BCL11A: variants seen among roughly 807,000 people sequenced by gnomAD.
The protein encoded by BCL11A is B cell CLL/lymphoma 11A.
BCL11A carries 2 observed loss-of-function variants against 55.9 expected under a neutral mutation model. That is an observed-to-expected ratio of 0.04 (90% CI 0.01 to 0.11). BCL11A has a LOEUF of 0.11. Among genes scored for constraint, BCL11A ranks in the 10% least tolerant of loss-of-function variants. The pLI, the probability that BCL11A is intolerant of heterozygous loss-of-function variation, is 1.00. For synonymous variants in BCL11A, 465 were observed against 473.4 expected, an observed-to-expected ratio of 0.98 and a Z score of 0.23; for missense variants, 817 against 1,137.1, an observed-to-expected ratio of 0.72 and a Z score of 4.05.
Position 60,541,527 on chromosome 2 carries a change from C to G in BCL11A, c.385+4444G>C, listed in dbSNP as rs574595038. Among the ~76,000 whole-genome samples the G allele has an allele frequency of 2.3e-4, 35 of 152,352 alleles. No individual in the cohort carries two copies. In the South Asian group the frequency reaches 7.2e-3, roughly 32 times the overall value. On this transcript the variant is annotated intron_variant, in intron 2 of 3. Coordinates refer to ENST00000642384, the MANE Select transcript of BCL11A (RefSeq NM_022893.4). ...TCTCTGACATTGTACTTTGACAAAA[C>G]ATCCAAGCTGCCAGTTCACAACCTT...
At chr2:60,508,120 C>G (rs1679748553) in intron 2 of BCL11A, among the ~76,000 whole-genome samples, 1 of 152,124 alleles carries the variant, frequency 6.6e-6, no homozygotes, top group Admixed American at 6.6e-5. Context: ...CTTTCACAAA[C>G]AAAAGTAGTT....
At chr2:60,550,107 C>T (rs1670336211) in intron 1 of BCL11A, among the ~76,000 whole-genome samples, 1 of 152,072 alleles carries the variant, frequency 6.6e-6, no homozygotes, top group African/African-American at 2.4e-5. Context: ...AGAAGTGAGG[C>T]TGGAGACCAA....
At chr2:60,496,116 A>G (rs1053629842) in intron 2 of BCL11A, among the ~76,000 whole-genome samples, 1 of 152,254 alleles carries the variant, frequency 6.6e-6, no homozygotes, top group Non-Finnish European at 1.5e-5. Flanking sequence ...AAAGCAATGC[A>G]CCTGTGCAGG....
chr2:60,515,389 C>G (rs1558460289), intron 2 of BCL11A, among the ~76,000 whole-genome samples: 2 of 152,238 alleles, frequency 1.3e-5, no homozygotes, highest in South Asian at 2.1e-4. Context: ...ACATATGAAC[C>G]AGCATTATGT....
chr2:60,472,949 A>C (rs533134753), intron 2 of BCL11A, among the ~76,000 whole-genome samples: 3 of 148,994 alleles, frequency 2.0e-5, no homozygotes, highest in Non-Finnish European at 4.5e-5. Context: ...TCTCCACAGG[A>C]GTACATAGAT....
intron 2 of BCL11A, among the ~76,000 whole-genome samples, chr2:60,501,098 G>C (rs566021985): frequency 5.3e-4 from 81 of 152,306 alleles, no homozygotes; most frequent in African/African-American, 1.7e-3. Context: ...AGACATCTTT[G>C]GCACATCTTC....
intron 2 of BCL11A, among the ~76,000 whole-genome samples, chr2:60,500,326 C>T (rs188957669): frequency 3.4e-4 from 52 of 152,264 alleles, no homozygotes; most frequent in Non-Finnish European, 6.2e-4. Context: ...GTGAGGTTCC[C>T]GGGGCCAGTT....
intron 2 of BCL11A, among the ~76,000 whole-genome samples, chr2:60,504,622 C>T (rs572834445): frequency 2.6e-5 from 4 of 152,196 alleles, no homozygotes; most frequent in Non-Finnish European, 4.4e-5. Flanking sequence ...TCTGTCTCCC[C>T]CAAGCCCTCC....
intron 2 of BCL11A, chr2:60,545,404 T>C (rs575874845): frequency 1.4e-4 from 22 of 155,536 alleles, no homozygotes; most frequent in African/African-American, 5.0e-4. Flanking sequence ...TACAGCCCCA[T>C]CCGGGCTGAC....
intron 2 of BCL11A, among the ~76,000 whole-genome samples, chr2:60,523,352 C>T (rs927789368): frequency 6.6e-6 from 1 of 152,184 alleles, no homozygotes; most frequent in African/African-American, 2.4e-5. Context: ...ATGTGAACAA[C>T]AGACTTTCAG....
chr2:60,502,596 C>G (rs1345288373), intron 2 of BCL11A, among the ~76,000 whole-genome samples: 1 of 152,130 alleles, frequency 6.6e-6, no homozygotes, highest in African/African-American at 2.4e-5. Flanking sequence ...ACACCCAATC[C>G]CATGCTTTCT....
At position 60,540,996 on chromosome 2, in the gene BCL11A, ATTTTGTTT is replaced by A. The variant is rs373668077; in HGVS notation, c.385+4967_385+4974del. Among the ~76,000 whole-genome samples, 228 of 104,714 alleles carry A rather than the reference ATTTTGTTT, an allele frequency of 2.2e-3. 1 individual carries two copies. The highest frequency in any genetic ancestry group is 7.2e-3 in the African/African-American group (222 of 30,630). 68.7% of individuals were successfully genotyped at this position (104,714 alleles called of 152,430 possible). On this transcript the variant is annotated intron_variant, in intron 2 of 3. Coordinates refer to ENST00000642384, the MANE Select transcript of BCL11A (RefSeq NM_022893.4). ...TGTGTGTGTGTGTGTGTGTGTGGTT[ATTTTGTTT>A]TTTTGTTTTTTTAAGCTTTCACAGA...
Position 60,487,620 on chromosome 2 carries a change from C to T in BCL11A, c.386-18787G>A, listed in dbSNP as rs538696950. ...AAAAGGCATGAAAAAGAAGGCTTAGCGGATCCCCCTTAAGTTAGCCCTATT... is the reference window on the plus strand; with the variant it reads ...AAAAGGCATGAAAAAGAAGGCTTAGTGGATCCCCCTTAAGTTAGCCCTATT... On this transcript the variant is annotated intron_variant, in intron 2 of 3. Transcript: ENST00000642384. Among the ~76,000 whole-genome samples the T allele has an allele frequency of 9.9e-5, 15 of 152,274 alleles. No individual in the cohort carries two copies. In the South Asian group the frequency reaches 2.5e-3, roughly 25 times the overall value.
intron 2 of BCL11A, among the ~76,000 whole-genome samples, chr2:60,504,272 A>G (rs913705575): frequency 1.3e-5 from 2 of 152,224 alleles, no homozygotes; most frequent in African/African-American, 4.8e-5. Flanking sequence ...ATGCAGGATC[A>G]ATGATGAAGA....
rs532273032 is a variant in BCL11A at position 60,531,688 on chromosome 2, T to C, written c.385+14283A>G. Among the ~76,000 whole-genome samples the C allele has an allele frequency of 1.5e-3, 233 of 152,286 alleles. 1 individual carries two copies. Among genetic ancestry groups the C allele is most frequent in the African/African-American group, 5.0e-3 (209 of 41,558 alleles). On this transcript the variant is annotated intron_variant, in intron 2 of 3. Coordinates refer to ENST00000642384, the MANE Select transcript of BCL11A (RefSeq NM_022893.4). ...AGCGTGTTTTGGCAGTGCCCTGGCA[T>C]TGGGGGGCCCTGTGCAGACACCACC...
intron 2 of BCL11A, among the ~76,000 whole-genome samples, chr2:60,469,649 C>T (rs1439585850): frequency 6.6e-6 from 1 of 152,222 alleles, no homozygotes; most frequent in Non-Finnish European, 1.5e-5. Flanking sequence ...CAAGTGACTT[C>T]TCACACTAAT....
In BCL11A at chr2:60,546,921, C is replaced by A. The variant is rs1013950206; in HGVS notation, c.56-621G>T. Among the ~76,000 whole-genome samples the A allele has an allele frequency of 6.6e-6, 1 of 152,212 alleles. No individual in the cohort carries two copies. ...GTAATAAGAAAACGACTGCATGCAC[C>A]TATGAAACGGATCTAAATAATAATC... On this transcript the variant is annotated intron_variant, in intron 1 of 3. Transcript: ENST00000642384. The surrounding 1 kb of genome is among the most constrained non-coding windows in gnomAD (Gnocchi z 4.1).
chr2:60,530,505 C>G (rs575230028), intron 2 of BCL11A, among the ~76,000 whole-genome samples: 7 of 151,714 alleles, frequency 4.6e-5, no homozygotes, highest in South Asian at 2.1e-4. Flanking sequence ...TTTTTCCCAA[C>G]GGCAAGCCAG....
chr2:60,513,854 C>T (rs191541310), intron 2 of BCL11A, among the ~76,000 whole-genome samples: 2 of 152,222 alleles, frequency 1.3e-5, no homozygotes, highest in Non-Finnish European at 2.9e-5. Context: ...TCTCAACAAG[C>T]CAGAGATTCT....
Sources: gnomAD v4.1 joint callset for allele counts (sites outside exome capture counted in the v4.1 genomes callset) on GRCh38, gnomAD v4.1.1 for gene constraint, Gnocchi (gnomAD v3.1) non-coding constraint, MANE v1.5 for transcripts, NCBI Gene and HGNC (gene_info 2026-07-23, HGNC 2026-07-21) for gene names.